Variants in SHC4 observed in about 807,000 individuals in gnomAD.
The protein encoded by SHC4 is SHC adaptor protein 4.
SHC4 carries 41 observed loss-of-function variants against 69.4 expected under a neutral mutation model. The ratio of observed to expected loss-of-function variants is 0.59; its 90% CI spans 0.46 to 0.77. SHC4 has a LOEUF of 0.77. Among genes scored for constraint, SHC4 ranks in the 30% least tolerant of loss-of-function variants. SHC4 has a pLI of 0.00. For synonymous variants in SHC4, 318 were observed against 299.3 expected (o/e 1.06, Z -0.64); for missense variants, 777 against 783.8 (o/e 0.99, Z 0.10).
At chr15:48,910,260 G>T (rs908792749) in intron 2 of SHC4, among the ~76,000 whole-genome samples, 1 of 152,008 alleles carries the variant, frequency 6.6e-6, no homozygotes, top group Non-Finnish European at 1.5e-5. Flanking sequence ...TCTGTTCGGG[G>T]TATCTAATTC....
intron 6 of SHC4, among the ~76,000 whole-genome samples, chr15:48,865,471 T>C (rs1218851978): frequency 1.3e-5 from 2 of 152,186 alleles, no homozygotes; most frequent in Admixed American, 1.3e-4. Context: ...CATTTTCCTA[T>C]AGGAAAGAAA....
intron 1 of SHC4, among the ~76,000 whole-genome samples, chr15:48,934,483 T>A (rs1196301068): frequency 6.6e-6 from 1 of 152,168 alleles, no homozygotes; most frequent in South Asian, 2.1e-4. Context: ...GGAACCATCA[T>A]ACATTGCTGG....
At chr15:48,957,955 G>A (rs985985052) in intron 1 of SHC4, among the ~76,000 whole-genome samples, 19 of 152,232 alleles carry the variant, frequency 1.2e-4, no homozygotes, top group African/African-American at 4.6e-4. Context: ...GCAGGCAACT[G>A]CCAAAAGCTA....
intron 1 of SHC4, among the ~76,000 whole-genome samples, chr15:48,935,877 T>C (rs1172679873): frequency 6.6e-6 from 1 of 152,150 alleles, no homozygotes; most frequent in Non-Finnish European, 1.5e-5. Flanking sequence ...TTATAGCACC[T>C]TTGAATGCTA....
intron 3 of SHC4, among the ~76,000 whole-genome samples, chr15:48,886,859 A>C (rs149888750): frequency 6.6e-6 from 1 of 152,320 alleles, no homozygotes; most frequent in African/African-American, 2.4e-5. Flanking sequence ...TGAGAGGAGA[A>C]GGGAACAGAA....
intron 11 of SHC4, 104 bp from the exon 12 acceptor site, chr15:48,826,230 C>T (rs1898685618): frequency 6.8e-6 from 7 of 1,031,444 alleles, no homozygotes; most frequent in Non-Finnish European, 8.1e-6. Context: ...AAAGTAGATA[C>T]TTTGCTGAAA....
At chr15:48,873,186 G>A (rs1030271646) in intron 4 of SHC4, among the ~76,000 whole-genome samples, 2 of 152,116 alleles carry the variant, frequency 1.3e-5, no homozygotes, top group East Asian at 3.8e-4. Context: ...CTAACACAAA[G>A]AATATACTGC....
In SHC4 at chr15:48,884,378, TAAAG is replaced by T. The variant is rs758808332; in HGVS notation, c.721-15_721-12del. ...GAACTTAACTGGAGGCTTTAAAAAT[TAAAG>T]AAGAAAAACAAAACACTGTTAGGAA... On this transcript the variant is annotated splice_polypyrimidine_tract_variant and intron_variant, in intron 3 of 11. Transcript: ENST00000332408. 6.4e-7 allele frequency: 1 copy of T among 1,570,004 alleles called. No individual in the cohort carries two copies.
chr15:48,935,929 A>G (rs1022848825), intron 1 of SHC4, among the ~76,000 whole-genome samples: 3 of 152,268 alleles, frequency 2.0e-5, no homozygotes, highest in Non-Finnish European at 2.9e-5. Flanking sequence ...TATAATCTAT[A>G]GCATCAAGGA....
In SHC4 at chr15:48,835,014, C is replaced by G. The variant is rs1898874917; in HGVS notation, c.1492G>C (p.Glu498Gln). 6.2e-7 allele frequency: 1 copy of G among 1,609,884 alleles called. No homozygotes were observed. Among genetic ancestry groups the G allele is most frequent in the South Asian group, 1.1e-5 (1 of 90,436 alleles). Residue 498 changes from glutamate (E) to glutamine (Q), a missense_variant, in exon 11 of 12, where the codon GAA becomes CAA. Transcript: ENST00000332408. ...GSPWHCGKAP[E>Q]TVQPGATAQP... ...GCTGTGGCACCCGGCTGAACAGTTT[C>G]TGGTGCCTCTGAAGTCAGAACACAA...
At chr15:48,934,502 C>A (rs1239904536) in intron 1 of SHC4, among the ~76,000 whole-genome samples, 2 of 152,102 alleles carry the variant, frequency 1.3e-5, no homozygotes, top group African/African-American at 2.4e-5. Flanking sequence ...GGTGGGAATA[C>A]AACATGGTAA....
At chr15:48,843,213 A>AT (rs1899025689) in intron 10 of SHC4, among the ~76,000 whole-genome samples, 196 bp downstream of exon 10, 1 of 152,158 alleles carries the variant, frequency 6.6e-6, no homozygotes, top group Non-Finnish European at 1.5e-5. Context: ...GACATCAAGA[A>AT]TTGCCAGCAG....
At position 48,944,154 on chromosome 15, in the gene SHC4, C is replaced by T. The variant is rs567367136; in HGVS notation, c.585+18277G>A. ...GGTAAAGGGATGGGCTCTTGCAAAG[C>T]TCTGCCCAGCTCTGTGTGCAACACC... On this transcript the variant is annotated intron_variant, in intron 1 of 11. Coordinates refer to ENST00000332408, the MANE Select transcript of SHC4 (RefSeq NM_203349.4). 8.5e-5 allele frequency among the ~76,000 whole-genome samples: 13 copies of T among 152,328 alleles called. No homozygotes were observed. The South Asian group carries it at 1.2e-3, about 15-fold the overall frequency.
rs149037573 is a variant in SHC4 at position 48,950,848 on chromosome 15, G to A, written c.585+11583C>T. ...GGTTGGCGTTAATATCCTGGAGGAG[G>A]GTAGGAGTAGGAAGACAAAAGACCA... On this transcript the variant is annotated intron_variant, in intron 1 of 11. Transcript: ENST00000332408. Among the ~76,000 whole-genome samples the A allele has an allele frequency of 1.6e-3, 237 of 152,218 alleles. 2 individuals are homozygous for A. Among genetic ancestry groups the A allele is most frequent in the African/African-American group, 5.4e-3 (225 of 41,524 alleles).
intron 2 of SHC4, among the ~76,000 whole-genome samples, chr15:48,919,365 G>A (rs1007790369): frequency 1.5e-5 from 2 of 133,680 alleles, no homozygotes; most frequent in African/African-American, 2.7e-5. Flanking sequence ...CAGTGGTGTG[G>A]TCACAATTCA....
chr15:48,866,734 C>T (rs1341704062), intron 6 of SHC4, among the ~76,000 whole-genome samples: 1 of 152,176 alleles, frequency 6.6e-6, no homozygotes, highest in Non-Finnish European at 1.5e-5. Flanking sequence ...ATTTCCACCT[C>T]GGTGTCTTAT....
At chr15:48,909,915 T>C (rs990412364) in intron 2 of SHC4, among the ~76,000 whole-genome samples, 2 of 152,200 alleles carry the variant, frequency 1.3e-5, no homozygotes, top group African/African-American at 4.8e-5. Context: ...CACTTGATCA[T>C]GGTGGATTAT....
rs139932604 is a variant in SHC4 at position 48,882,613 on chromosome 15, AC to A, written c.840+1634del. 5.1e-3 allele frequency among the ~76,000 whole-genome samples: 781 copies of A among 152,148 alleles called. 6 individuals are homozygous for A. Among genetic ancestry groups the A allele is most frequent in the African/African-American group, 0.018 (745 of 41,486 alleles). On this transcript the variant is annotated intron_variant, in intron 4 of 11. Coordinates refer to ENST00000332408, the MANE Select transcript of SHC4 (RefSeq NM_203349.4). ...CATAAATTCCTTATTCATTTCAGAC[AC>A]CCCACAGAAAGGGCCATCTTAAAAA...
chr15:48,956,619 G>A (rs1375579061), intron 1 of SHC4, among the ~76,000 whole-genome samples: 1 of 151,922 alleles, frequency 6.6e-6, no homozygotes, highest in African/African-American at 2.4e-5. Flanking sequence ...CCCCTCCCTG[G>A]AATTCTACTC....
Sources: gnomAD v4.1 joint callset for allele counts (sites outside exome capture counted in the v4.1 genomes callset) on GRCh38, gnomAD v4.1.1 for gene constraint, MANE v1.5 for transcripts, NCBI Gene and HGNC (gene_info 2026-07-23, HGNC 2026-07-21) for gene names.